The following ADCY5 variants were observed in gnomAD, a reference collection of about 807,000 sequenced individuals.
ADCY5 encodes the protein adenylate cyclase 5, also known as adenylate cyclase type 5.
A neutral mutation model predicts 119.7 loss-of-function variants in ADCY5; 30 were observed. That is an observed-to-expected ratio of 0.25 (90% CI 0.19 to 0.34). ADCY5 has a LOEUF of 0.34. Ranked by LOEUF, ADCY5 falls within the 10% of genes least tolerant of loss-of-function variation. The pLI is 1.00. For missense variants in ADCY5, 1,324 were observed against 1,775.2 expected (o/e 0.75, Z 4.57); for synonymous variants, 753 against 762.2 (o/e 0.99, Z 0.20).
In ADCY5 at chr3:123,379,511, G is replaced by A. The variant is rs79824414; in HGVS notation, c.1135-26930C>T. Among the ~76,000 whole-genome samples the A allele has an allele frequency of 2.6e-4, 40 of 152,276 alleles. No homozygotes were observed. In the East Asian group the frequency reaches 6.6e-3, roughly 25 times the overall value. ...CCTCATGAGATGAGCAAGGAGCAGC[G>A]GGTTTGCAAGAACCTTGAGAGAGCC... On this transcript the variant is annotated intron_variant, in intron 1 of 20. Transcript: ENST00000462833.
Position 123,347,796 on chromosome 3 carries a change from T to C in ADCY5, c.1392A>G (p.Lys464=), listed in dbSNP as rs1025983056. The change falls in exon 3 of 21, where the codon AAA becomes AAG. Residue 464 remains lysine (K), a synonymous_variant. Transcript: ENST00000462833. ...DMMFHKIYIQ[K]HDNVSILFAD... is the part of the protein sequence containing the mutation. ...TTCACCCCTACCTCACGTTGTCATGTTTCTGGATGTAAATCTTATGGAACA... is the reference window on the plus strand; with the variant it reads ...TTCACCCCTACCTCACGTTGTCATGCTTCTGGATGTAAATCTTATGGAACA... The C allele has an allele frequency of 1.7e-5, 27 of 1,613,952 alleles. No individual in the cohort carries two copies. Among genetic ancestry groups the C allele is most frequent in the Non-Finnish European group, 2.2e-5 (26 of 1,179,974 alleles).
rs539945338 is a variant in ADCY5, at chr3:123,307,606, G to A, written c.2443-3423C>T. Among the ~76,000 whole-genome samples, 31 of 152,202 alleles carry A rather than the reference G, an allele frequency of 2.0e-4. No individual in the cohort carries two copies. The South Asian group carries it at 4.0e-3, about 19-fold the overall frequency. ...ATGGTATGACAGATGGTTTCAAATC[G>A]TTGGCTGCTGAAAATTTTGTCATTC... On this transcript the variant is annotated intron_variant, in intron 12 of 20. Transcript: ENST00000462833.
At chr3:123,447,247 G>A (rs1444953945) in intron 1 of ADCY5, among the ~76,000 whole-genome samples, 165 bp downstream of exon 1, 1 of 152,194 alleles carries the variant, frequency 6.6e-6, no homozygotes, top group Admixed American at 6.5e-5. Flanking sequence ...AAGCCGCTGG[G>A]GCTCAGAGTG....
intron 3 of ADCY5, among the ~76,000 whole-genome samples, chr3:123,339,227 G>A (rs896530873): frequency 1.2e-4 from 19 of 152,158 alleles, no homozygotes; most frequent in African/African-American, 2.4e-4. Context: ...CCCCTGCAGC[G>A]TGCCCCCTCC....
At chr3:123,376,393 C>A (rs1487587828) in intron 1 of ADCY5, among the ~76,000 whole-genome samples, 1 of 148,560 alleles carries the variant, frequency 6.7e-6, no homozygotes, top group Non-Finnish European at 1.5e-5. Flanking sequence ...GGGTTCTTGG[C>A]CTTCGTGCAT....
chr3:123,354,812 C>G (rs566395864), intron 1 of ADCY5, among the ~76,000 whole-genome samples: 59 of 152,238 alleles, frequency 3.9e-4, no homozygotes, highest in African/African-American at 1.4e-3. Context: ...CAAAAAGCAA[C>G]CAACGTAATT....
At chr3:123,426,107 C>T (rs1370708881) in intron 1 of ADCY5, among the ~76,000 whole-genome samples, 10 of 152,112 alleles carry the variant, frequency 6.6e-5, no homozygotes, top group Non-Finnish European at 1.2e-4. Flanking sequence ...ATGCTCTACA[C>T]AACCCTCTGG....
chr3:123,337,903 T>C (rs1942094613), intron 3 of ADCY5, among the ~76,000 whole-genome samples: 1 of 152,218 alleles, frequency 6.6e-6, no homozygotes, highest in South Asian at 2.1e-4. Flanking sequence ...CTCCAAATTG[T>C]GAGCTCTTCT....
intron 8 of ADCY5, among the ~76,000 whole-genome samples, chr3:123,324,929 G>A (rs1941402463): frequency 6.6e-6 from 1 of 152,256 alleles, no homozygotes; most frequent in Non-Finnish European, 1.5e-5. Context: ...AGGAGGTGCT[G>A]GAAGAGGGTA....
chr3:123,441,976 G>GA (rs1223214189), intron 1 of ADCY5, among the ~76,000 whole-genome samples: 1 of 28,444 alleles, frequency 3.5e-5, no homozygotes, highest in Non-Finnish European at 7.6e-5. Context: ...TTGCCTTAAG[G>GA]AAGGAAAAAA....
At chr3:123,359,673 C>A (rs1014400106) in intron 1 of ADCY5, among the ~76,000 whole-genome samples, 1 of 152,136 alleles carries the variant, frequency 6.6e-6, no homozygotes, top group Non-Finnish European at 1.5e-5. Context: ...CCTCAGGGAC[C>A]CTGGGGGCAG....
chr3:123,340,348 C>A (rs577305129), intron 3 of ADCY5, among the ~76,000 whole-genome samples: 10 of 152,222 alleles, frequency 6.6e-5, no homozygotes, highest in Admixed American at 5.9e-4. Flanking sequence ...AAAAACAAAT[C>A]ACATTCTTCT....
chr3:123,389,998 T>G (rs1055456834), intron 1 of ADCY5, among the ~76,000 whole-genome samples: 1 of 152,156 alleles, frequency 6.6e-6, no homozygotes, highest in African/African-American at 2.4e-5. Context: ...AGGGCCTGGC[T>G]TCCTACAGGG....
intron 17 of ADCY5, among the ~76,000 whole-genome samples, chr3:123,292,573 G>A (rs1939217667): frequency 6.6e-6 from 1 of 152,164 alleles, no homozygotes. Context: ...GGAGCCAGCT[G>A]GTCTGTGCTG....
intron 15 of ADCY5, 35 bp from the exon 16 acceptor site, chr3:123,297,417 AC>A: frequency 6.2e-7 from 1 of 1,610,264 alleles, no homozygotes; most frequent in Non-Finnish European, 8.5e-7. Flanking sequence ...GGTCAGGGCC[AC>A]CCTTCTGCAT....
At chr3:123,319,617 T>A in intron 10 of ADCY5, 57 bp downstream of exon 10, 2 of 1,587,478 alleles carry the variant, frequency 1.3e-6, no homozygotes, top group Non-Finnish European at 1.7e-6. Context: ...TTTCTTGCCC[T>A]CCTCCTCCTG....
chr3:123,378,865 G>T (rs1184246168), intron 1 of ADCY5, among the ~76,000 whole-genome samples: 3 of 152,180 alleles, frequency 2.0e-5, no homozygotes, highest in African/African-American at 7.2e-5. Flanking sequence ...CCCTTGCCAG[G>T]GTTAGTGTAC....
intron 1 of ADCY5, among the ~76,000 whole-genome samples, chr3:123,445,917 A>G (rs570374537): frequency 4.6e-5 from 7 of 152,354 alleles, no homozygotes; most frequent in East Asian, 1.9e-4. Flanking sequence ...TGGAAAATGA[A>G]TAAGTGCTCC....
chr3:123,411,900 C>T (rs988015640), intron 1 of ADCY5, among the ~76,000 whole-genome samples: 1 of 152,200 alleles, frequency 6.6e-6, no homozygotes, highest in Non-Finnish European at 1.5e-5. Flanking sequence ...CCCCTGCCCC[C>T]GCATAGCCCA....
Sources: allele counts gnomAD v4.1 joint callset (sites outside exome capture counted in the v4.1 genomes callset), GRCh38; gene constraint gnomAD v4.1.1; transcripts MANE v1.5; gene names NCBI Gene and HGNC (gene_info 2026-07-23, HGNC 2026-07-21).